Variants in NFKBID observed in about 807,000 individuals in gnomAD.
NFKBID encodes NFKB inhibitor delta.
Under a neutral mutation model 53.4 loss-of-function variants are expected in NFKBID, and 26 were observed. The observed-to-expected ratio is 0.49, with a 90% CI of 0.36 to 0.68. The LOEUF (loss-of-function observed/expected upper bound fraction) is 0.68. Among genes scored for constraint, NFKBID ranks in the 30% least tolerant of loss-of-function variants. The pLI, the probability that NFKBID is intolerant of heterozygous loss-of-function variation, is 0.00. For missense variants in NFKBID, 493 were observed against 614.1 expected, an observed-to-expected ratio of 0.80 and a Z score of 2.08; for synonymous variants, 262 against 259.8, an observed-to-expected ratio of 1.01 and a Z score of -0.08.
At chr19:35,891,096 A>G (rs1328603420) in intron 9 of NFKBID, among the ~76,000 whole-genome samples, 1 of 152,160 alleles carries the variant, frequency 6.6e-6, no homozygotes, top group Non-Finnish European at 1.5e-5. Flanking sequence ...CCTGCCCTCC[A>G]TTCAACACAT....
chr19:35,889,154 C>T (rs1190568170), intron 11 of NFKBID, among the ~76,000 whole-genome samples: 1 of 148,642 alleles, frequency 6.7e-6, no homozygotes, highest in Non-Finnish European at 1.5e-5. Context: ...AGTTTGAGAT[C>T]AACCTGGACA....
chr19:35,900,425 C>CT lies in NFKBID; in HGVS notation c.61+16dup. Reference sequence around the variant, plus strand: ...ACTCTCTTAGGGGGCCGAACGCGTCCTGCCCGCGCCCATTACCTCGGGGAT... The same window carrying CT: ...ACTCTCTTAGGGGGCCGAACGCGTCCTTGCCCGCGCCCATTACCTCGGGGAT... On this transcript the variant is annotated intron_variant, in intron 1 of 11. Coordinates refer to ENST00000641389, the Ensembl canonical transcript of NFKBID. The CT allele has an allele frequency of 8.1e-7, 1 of 1,231,412 alleles. No individual in the cohort carries two copies. Among genetic ancestry groups the CT allele is most frequent in the East Asian group, 3.2e-5 (1 of 31,692 alleles). 76.3% of individuals were successfully genotyped at this position (1,231,412 alleles called of 1,614,324 possible). A position where few individuals can be genotyped will look rare whatever the true frequency, so the allele number is the denominator to read the frequency against.
rs1004382236 is a variant in NFKBID at position 35,900,432 on chromosome 19, C to T, written c.61+10G>A. On this transcript the variant is annotated intron_variant, in intron 1 of 11. Coordinates refer to ENST00000641389, the Ensembl canonical transcript of NFKBID. ...TAGGGGGCCGAACGCGTCCTGCCCG[C>T]GCCCATTACCTCGGGGATTCCGTGG... The T allele has an allele frequency of 4.1e-6, 5 of 1,231,676 alleles. No homozygotes were observed. In the East Asian group the frequency reaches 1.3e-4, roughly 31 times the overall value. The allele number at this position is 1,231,676 out of a possible 1,614,324, so 76.3% of individuals were successfully genotyped here. A position where few individuals can be genotyped will look rare whatever the true frequency, so the allele number is the denominator to read the frequency against.
chr19:35,897,609 T>A, intron 4 of NFKBID, 42 bp downstream of exon 4: 1 of 1,023,358 alleles, frequency 9.8e-7, no homozygotes, highest in Non-Finnish European at 1.5e-6. Context: ...ACTGCGAATT[T>A]TTAGGGGCCC....
At chr19:35,888,676 G>A (rs1441980465) in intron 11 of NFKBID, 64 bp from the exon 12 acceptor site, 12 of 1,219,872 alleles carry the variant, frequency 9.8e-6, no homozygotes, top group East Asian at 2.5e-5. Context: ...GGGAAGGCAC[G>A]CCATGCAGAG....
At chr19:35,894,186 G>A (rs1974974119) in intron 9 of NFKBID, among the ~76,000 whole-genome samples, 1 of 151,692 alleles carries the variant, frequency 6.6e-6, no homozygotes, top group African/African-American at 2.4e-5. Context: ...TTGAACCCGG[G>A]AGGCAGAGGT....
chr19:35,895,853 A>G, intron 9 of NFKBID, 127 bp downstream of exon 9: 2 of 787,028 alleles, frequency 2.5e-6, no homozygotes, highest in Non-Finnish European at 4.2e-6. Context: ...CAGAGAAGTG[A>G]AGTAACATGT....
chr19:35,888,707 G>A (rs1285796740), intron 11 of NFKBID, 95 bp from the exon 12 acceptor site: 3 of 885,288 alleles, frequency 3.4e-6, no homozygotes, highest in East Asian at 5.3e-5. Flanking sequence ...GAGAAGAGAG[G>A]TTGAGTGGGT....
At chr19:35,894,047 G>T (rs965257843) in intron 9 of NFKBID, among the ~76,000 whole-genome samples, 1 of 152,072 alleles carries the variant, frequency 6.6e-6, no homozygotes, top group Non-Finnish European at 1.5e-5. Flanking sequence ...CTGAGGTCAG[G>T]AGTTTGAGAG....
chr19:35,892,576 CA>C (rs1305285241), intron 9 of NFKBID, among the ~76,000 whole-genome samples: 1 of 150,716 alleles, frequency 6.6e-6, no homozygotes, highest in Non-Finnish European at 1.5e-5. Context: ...GTCCTTTTTT[CA>C]GAGAAATACT....
chr19:35,900,404 T>G (rs1203691165), intron 1 of NFKBID, 38 bp downstream of exon 1: 1 of 1,223,628 alleles, frequency 8.2e-7, no homozygotes, highest in Admixed American at 4.2e-5. Flanking sequence ...TCCCTCACTC[T>G]CTTAGGGGGC....
At chr19:35,892,179 G>A (rs766319499) in intron 9 of NFKBID, among the ~76,000 whole-genome samples, 55 of 152,034 alleles carry the variant, frequency 3.6e-4, no homozygotes, top group Admixed American at 1.3e-3. Flanking sequence ...AGCCTCCTGA[G>A]TACCTGGGAC....
Position 35,896,608 on chromosome 19 carries a change from C to T in NFKBID, c.685-70G>A. The T allele has an allele frequency of 6.4e-7, 1 of 1,566,926 alleles. No individual in the cohort carries two copies. ...CGTCAGAAAACCAGGCTCCCAGCCC[C>T]ATCCCCCCTCAGCCCCAGGAGCTCA... On this transcript the variant is annotated intron_variant, in intron 6 of 11. Coordinates refer to ENST00000641389, the Ensembl canonical transcript of NFKBID. The surrounding 1 kb of genome is among the most constrained non-coding windows in gnomAD (Gnocchi z 5.7).
rs112283300 is a variant in NFKBID at position 35,899,316 on chromosome 19, A to C, written c.62-494T>G. Among the ~76,000 whole-genome samples, 1,143 of 152,116 alleles carry C rather than the reference A, an allele frequency of 7.5e-3. 16 individuals carry two copies. Among genetic ancestry groups the C allele is most frequent in the African/African-American group, 0.027 (1,103 of 41,522 alleles). ...CACCCCGGGCCGGGAGCGGTGGCTC[A>C]CGCCTGTAATCCCAACACTTTGAGA... On this transcript the variant is annotated intron_variant, in intron 1 of 11. Coordinates refer to ENST00000641389, the Ensembl canonical transcript of NFKBID.
chr19:35,900,627 G>A, exon 1 of NFKBID: 1 of 1,229,312 alleles, frequency 8.1e-7, no homozygotes, highest in Non-Finnish European at 1.0e-6. Context: ...AGGCCTGGGA[G>A]TCCCCGGGTC....
upstream of NFKBID, chr19:35,902,276 A>G (rs1362110994): frequency 1.4e-6 from 1 of 706,286 alleles, no homozygotes; most frequent in Non-Finnish European, 2.6e-6. Flanking sequence ...TCTCAAACAC[A>G]CCCACATTCA....
Position 35,896,948 on chromosome 19 carries a change from T to C in NFKBID, c.543A>G (p.Pro181=). ...CCTCATCCTGGGCCAGCAGCTGCTGTGGCCCCAAAGCCAGCATGTGAGCTC... is the reference window on the plus strand; with the variant it reads ...CCTCATCCTGGGCCAGCAGCTGCTGCGGCCCCAAAGCCAGCATGTGAGCTC... The change falls in exon 5 of 12, where the codon CCA becomes CCG. Residue 181 remains proline, a synonymous_variant. Coordinates refer to ENST00000641389, the Ensembl canonical transcript of NFKBID. This position sits in a 1 kb window ranked among gnomAD's most constrained non-coding sequence, Gnocchi z 5.7. 7.5e-6 allele frequency: 12 copies of C among 1,607,662 alleles called. No homozygotes were observed. Among genetic ancestry groups the C allele is most frequent in the Non-Finnish European group, 1.0e-5 (12 of 1,176,096 alleles).
chr19:35,890,746 C>T (rs532389585), intron 9 of NFKBID: 187 of 463,404 alleles, frequency 4.0e-4, no homozygotes, highest in African/African-American at 2.5e-3. Context: ...CACCTGTAGT[C>T]CCAGCTGCTT....
exon 3 of NFKBID, chr19:35,898,513 G>T: frequency 6.5e-7 from 1 of 1,533,206 alleles, no homozygotes; most frequent in Non-Finnish European, 8.7e-7. Flanking sequence ...GGGCTGCTCT[G>T]GGGGAGGGAG....
Sources: gnomAD v4.1 joint callset for allele counts (sites outside exome capture counted in the v4.1 genomes callset) on GRCh38, gnomAD v4.1.1 for gene constraint, Gnocchi (gnomAD v3.1) non-coding constraint, MANE v1.5 for transcripts, NCBI Gene and HGNC (gene_info 2026-07-23, HGNC 2026-07-21) for gene names.